Variants in NXPH1 observed in about 807,000 individuals in gnomAD.
NXPH1 encodes the protein neurexophilin-1.
NXPH1 carries 5 observed loss-of-function variants against 23.7 expected under a neutral mutation model. That is an observed-to-expected ratio of 0.21 (90% CI 0.11 to 0.44). The LOEUF (loss-of-function observed/expected upper bound fraction) is 0.44. NXPH1 is among the 20% of genes least tolerant of loss of function. The pLI is 0.99. For missense variants in NXPH1, 324 were observed against 321.6 expected, an observed-to-expected ratio of 1.01 and a Z score of -0.06; for synonymous variants, 144 against 122.2, an observed-to-expected ratio of 1.18 and a Z score of -1.18.
At chr7:8,626,827 T>C (rs1820000318) in intron 2 of NXPH1, among the ~76,000 whole-genome samples, 2 of 152,038 alleles carry the variant, frequency 1.3e-5, no homozygotes, top group South Asian at 4.1e-4. Flanking sequence ...TATCCATGCT[T>C]CTCTTATTCT....
intron 2 of NXPH1, among the ~76,000 whole-genome samples, chr7:8,742,072 T>C (rs1301702426): frequency 2.6e-5 from 4 of 152,162 alleles, no homozygotes; most frequent in African/African-American, 9.6e-5. Context: ...CCACGTAATC[T>C]ACCTTGTAAG....
At chr7:8,454,279 A>T (rs1816554141) in intron 2 of NXPH1, among the ~76,000 whole-genome samples, 1 of 152,172 alleles carries the variant, frequency 6.6e-6, no homozygotes, top group South Asian at 2.1e-4. Context: ...TGTAAGAGAA[A>T]GTTAGTGGAC....
At chr7:8,446,811 C>G (rs1816412546) in intron 2 of NXPH1, among the ~76,000 whole-genome samples, 1 of 151,604 alleles carries the variant, frequency 6.6e-6, no homozygotes. Context: ...TCTTACCTTC[C>G]TGGACTGAGA....
At chr7:8,585,139 A>G (rs539293864) in intron 2 of NXPH1, among the ~76,000 whole-genome samples, 1 of 152,292 alleles carries the variant, frequency 6.6e-6, no homozygotes, top group South Asian at 2.1e-4. Context: ...GACTTTCTCT[A>G]AAATTATTCT....
At position 8,752,894 on chromosome 7, in the gene NXPH1, T is replaced by C. The variant is rs1300594683; in HGVS notation, c.*1125T>C. The C allele has an allele frequency of 1.3e-5, 2 of 152,600 alleles. No homozygotes were observed. Among genetic ancestry groups the C allele is most frequent in the Non-Finnish European group, 2.9e-5 (2 of 68,032 alleles). The allele number at this position is 152,600 out of a possible 1,614,324, so 9.5% of individuals were successfully genotyped here. ...TATACAACATTACAGTCTGTCTGTA[T>C]TTAGATATTTTATTTCTGGAAAAAA... is the stretch of plus-strand genomic sequence containing the variant. On this transcript the variant is annotated 3_prime_UTR_variant, in exon 3 of 3. Transcript: ENST00000405863.
chr7:8,474,722 C>T (rs147742723), intron 2 of NXPH1, among the ~76,000 whole-genome samples: 1 of 152,118 alleles, frequency 6.6e-6, no homozygotes, highest in Non-Finnish European at 1.5e-5. Context: ...GATCAGTCAC[C>T]TTTTTCTTCT....
chr7:8,486,166 G>A (rs1399431418), intron 2 of NXPH1, among the ~76,000 whole-genome samples: 2 of 152,144 alleles, frequency 1.3e-5, no homozygotes, highest in African/African-American at 4.8e-5. Context: ...TTATCTGCTT[G>A]CAAGTAGTTT....
intron 2 of NXPH1, among the ~76,000 whole-genome samples, chr7:8,461,103 T>C (rs1563316878): frequency 6.6e-6 from 1 of 152,208 alleles, no homozygotes; most frequent in African/African-American, 2.4e-5. Flanking sequence ...TACACAAAGA[T>C]TGGAGAATTG....
chr7:8,746,362 C>A (rs567020550), intron 2 of NXPH1, among the ~76,000 whole-genome samples: 1 of 152,162 alleles, frequency 6.6e-6, no homozygotes, highest in Non-Finnish European at 1.5e-5. Flanking sequence ...TGCTTTGATT[C>A]TTTACCCACA....
intron 2 of NXPH1, among the ~76,000 whole-genome samples, chr7:8,686,449 T>C (rs1184215228): frequency 6.6e-6 from 1 of 152,188 alleles, no homozygotes; most frequent in Non-Finnish European, 1.5e-5. Flanking sequence ...ATATCAGGTG[T>C]ATTTATTACA....
chr7:8,458,222 T>G (rs1348793640), intron 2 of NXPH1, among the ~76,000 whole-genome samples: 1 of 152,184 alleles, frequency 6.6e-6, no homozygotes, highest in Non-Finnish European at 1.5e-5. Flanking sequence ...TGGAGAATCA[T>G]TGACTTTAGG....
chr7:8,722,354 G>T (rs1008097946), intron 2 of NXPH1, among the ~76,000 whole-genome samples: 1 of 152,144 alleles, frequency 6.6e-6, no homozygotes, highest in African/African-American at 2.4e-5. Flanking sequence ...TTTCCCTTCA[G>T]AGCCTGAAGA....
chr7:8,674,240 C>G (rs1820915679), intron 2 of NXPH1, among the ~76,000 whole-genome samples: 1 of 151,224 alleles, frequency 6.6e-6, no homozygotes, highest in Admixed American at 6.6e-5. Context: ...TTCTGCAAGG[C>G]AGATATTAAT....
chr7:8,572,394 T>G (rs1293371345), intron 2 of NXPH1, among the ~76,000 whole-genome samples: 1 of 152,034 alleles, frequency 6.6e-6, no homozygotes. Context: ...AGAACAAGCT[T>G]GCTGGAAAAA....
At chr7:8,707,073 A>G (rs1180870207) in intron 2 of NXPH1, among the ~76,000 whole-genome samples, 8 of 152,224 alleles carry the variant, frequency 5.3e-5, no homozygotes, top group Non-Finnish European at 1.0e-4. Context: ...ATATTTTAAT[A>G]TGTTTTAATG....
chr7:8,542,065 T>C (rs1818126312), intron 2 of NXPH1, among the ~76,000 whole-genome samples: 1 of 151,408 alleles, frequency 6.6e-6, no homozygotes, highest in Non-Finnish European at 1.5e-5. Flanking sequence ...TATTGTCAGA[T>C]TATGTGAAAA....
At chr7:8,747,240 C>T (rs1780486387) in intron 2 of NXPH1, among the ~76,000 whole-genome samples, 2 of 152,180 alleles carry the variant, frequency 1.3e-5, no homozygotes, top group African/African-American at 4.8e-5. Flanking sequence ...AGTCTGACTC[C>T]AGAGTGCACT....
intron 2 of NXPH1, among the ~76,000 whole-genome samples, chr7:8,748,905 C>G (rs749931244): frequency 6.6e-6 from 1 of 152,140 alleles, no homozygotes; most frequent in African/African-American, 2.4e-5. Flanking sequence ...TGAGAATAGT[C>G]CAGCCACACT....
At chr7:8,449,625 T>TTAC (rs1816470464) in intron 2 of NXPH1, among the ~76,000 whole-genome samples, 1 of 152,196 alleles carries the variant, frequency 6.6e-6, no homozygotes, top group Non-Finnish European at 1.5e-5. Context: ...GTGTCTGGTG[T>TTAC]AAGGTGGCAA....
Sources: allele counts gnomAD v4.1 joint callset (sites outside exome capture counted in the v4.1 genomes callset), GRCh38; gene constraint gnomAD v4.1.1; transcripts MANE v1.5; gene names NCBI Gene and HGNC (gene_info 2026-07-23, HGNC 2026-07-21).